The following FOXP1 variants were observed in gnomAD, a reference collection of about 807,000 sequenced individuals.
FOXP1 encodes forkhead box protein P1.
A neutral mutation model predicts 98.2 loss-of-function variants in FOXP1; 15 were observed. The observed-to-expected ratio is 0.15, with a 90% CI of 0.10 to 0.24. The LOEUF (loss-of-function observed/expected upper bound fraction) is 0.24. Ranked by LOEUF, FOXP1 falls within the 10% of genes least tolerant of loss-of-function variation. The pLI is 1.00. For synonymous variants in FOXP1, 371 were observed against 314.5 expected, an observed-to-expected ratio of 1.18 and a Z score of -1.90; for missense variants, 633 against 848.5, an observed-to-expected ratio of 0.75 and a Z score of 3.15.
At chr3:71,361,837 G>A (rs2078592580) in intron 3 of FOXP1, among the ~76,000 whole-genome samples, 1 of 152,128 alleles carries the variant, frequency 6.6e-6, no homozygotes, top group African/African-American at 2.4e-5. Flanking sequence ...GTCTGATATG[G>A]TCACTGATTA....
chr3:71,076,425 G>C (rs753490386), intron 7 of FOXP1, among the ~76,000 whole-genome samples: 2 of 152,218 alleles, frequency 1.3e-5, no homozygotes, highest in African/African-American at 2.4e-5. Flanking sequence ...AGGGGGAAAA[G>C]GGAACTTGTA....
chr3:71,141,606 T>A (rs2060073638), intron 6 of FOXP1, among the ~76,000 whole-genome samples: 1 of 152,140 alleles, frequency 6.6e-6, no homozygotes, highest in Non-Finnish European at 1.5e-5. Context: ...AAACACATAA[T>A]TTTTGGTGAC....
At chr3:71,450,538 T>C (rs910705782) in intron 3 of FOXP1, among the ~76,000 whole-genome samples, 3 of 152,244 alleles carry the variant, frequency 2.0e-5, no homozygotes, top group Admixed American at 6.5e-5. Context: ...TGTGAACACA[T>C]GGCTTGCTCT....
At chr3:71,419,607 AG>A (rs35425943) in intron 3 of FOXP1, among the ~76,000 whole-genome samples, 90,012 of 151,806 alleles carry the variant, frequency 0.59, 29,029 homozygotes, top group Non-Finnish European at 0.74. Context: ...AATGACATTT[AG>A]AGACTCGTCT....
At chr3:71,439,570 G>A (rs1441735411) in intron 3 of FOXP1, among the ~76,000 whole-genome samples, 2 of 152,154 alleles carry the variant, frequency 1.3e-5, no homozygotes, top group East Asian at 1.9e-4. Flanking sequence ...ATACTTAAAC[G>A]GTGGTGGCAA....
At chr3:71,226,926 C>T (rs538118508) in intron 5 of FOXP1, among the ~76,000 whole-genome samples, 5 of 152,248 alleles carry the variant, frequency 3.3e-5, no homozygotes, top group South Asian at 4.1e-4. Flanking sequence ...GGATGTCAGA[C>T]GGCAGCTGAC....
chr3:71,183,143 C>A lies in FOXP1; in HGVS notation c.180+15059G>T, dbSNP rs544562001. On this transcript the variant is annotated intron_variant, in intron 6 of 20. Transcript: ENST00000649528. ...TCTTTCTGCATGCCTCACATTATTT[C>A]GGTAGGTTAAATTCCTGGTGATGAT... Among the ~76,000 whole-genome samples, 9 of 152,100 alleles carry A rather than the reference C, an allele frequency of 5.9e-5. No individual in the cohort carries two copies. In the South Asian group the frequency reaches 1.7e-3, roughly 28 times the overall value.
At chr3:71,100,469 G>C (rs2056854964) in intron 7 of FOXP1, among the ~76,000 whole-genome samples, 1 of 152,192 alleles carries the variant, frequency 6.6e-6, no homozygotes, top group Non-Finnish European at 1.5e-5. Context: ...CTTATAGTCA[G>C]AGGAGATCAG....
intron 3 of FOXP1, among the ~76,000 whole-genome samples, chr3:71,430,379 T>C (rs185111357): frequency 6.6e-6 from 1 of 152,288 alleles, no homozygotes; most frequent in East Asian, 1.9e-4. Flanking sequence ...AGAAAGGTTA[T>C]GAAATTTTAT....
At chr3:71,380,782 T>C (rs1158051068) in intron 3 of FOXP1, among the ~76,000 whole-genome samples, 1 of 151,178 alleles carries the variant, frequency 6.6e-6, no homozygotes, top group Non-Finnish European at 1.5e-5. Context: ...GCATCTCTTC[T>C]GTGGCCTTTC....
intron 7 of FOXP1, among the ~76,000 whole-genome samples, chr3:71,097,866 C>A (rs1282760889): frequency 1.3e-5 from 2 of 152,176 alleles, no homozygotes. Flanking sequence ...AAGCACCGAG[C>A]ATCTTTGAAG....
intron 6 of FOXP1, among the ~76,000 whole-genome samples, chr3:71,134,587 C>T (rs759561657): frequency 2.0e-5 from 3 of 152,042 alleles, no homozygotes; most frequent in East Asian, 1.9e-4. Context: ...AAAAATACAG[C>T]GAAACAATGG....
chr3:71,499,119 A>G (rs1228920475), intron 2 of FOXP1, among the ~76,000 whole-genome samples: 1 of 152,122 alleles, frequency 6.6e-6, no homozygotes, highest in Non-Finnish European at 1.5e-5. Context: ...TCTCTGTCCA[A>G]CCAATGGGAG....
At chr3:71,467,031 A>T (rs1256495639) in intron 3 of FOXP1, among the ~76,000 whole-genome samples, 24 of 152,224 alleles carry the variant, frequency 1.6e-4, no homozygotes, top group East Asian at 1.9e-4. Context: ...AAAGAAAAAA[A>T]TGCTGAAGGA....
intron 12 of FOXP1, among the ~76,000 whole-genome samples, chr3:71,013,901 A>G (rs2044041643): frequency 6.6e-6 from 1 of 152,226 alleles, no homozygotes; most frequent in Admixed American, 6.5e-5. Flanking sequence ...AAATGGGGAA[A>G]GGATTCCCTA....
At chr3:71,217,394 T>C (rs1440743695) in intron 5 of FOXP1, among the ~76,000 whole-genome samples, 2 of 152,138 alleles carry the variant, frequency 1.3e-5, no homozygotes, top group Non-Finnish European at 2.9e-5. Flanking sequence ...TCTTTTTTTT[T>C]ATTTAGGGAT....
chr3:71,498,385 C>CA (rs2091559618), intron 2 of FOXP1, among the ~76,000 whole-genome samples: 1 of 152,136 alleles, frequency 6.6e-6, no homozygotes, highest in African/African-American at 2.4e-5. Context: ...AGTTGTTTAC[C>CA]AAACACTGCC....
intron 12 of FOXP1, among the ~76,000 whole-genome samples, chr3:71,007,496 C>T (rs972745764): frequency 7.2e-5 from 11 of 152,182 alleles, no homozygotes; most frequent in African/African-American, 2.4e-4. Context: ...TTAACATACA[C>T]TTTGTTTTTC....
At chr3:70,983,206 G>T (rs1158897088) in intron 14 of FOXP1, among the ~76,000 whole-genome samples, 1 of 151,324 alleles carries the variant, frequency 6.6e-6, no homozygotes, top group Non-Finnish European at 1.5e-5. Context: ...CTCGTGGAAG[G>T]TTATGACTTA....
Sources: gnomAD v4.1 joint callset for allele counts (sites outside exome capture counted in the v4.1 genomes callset) on GRCh38, gnomAD v4.1.1 for gene constraint, MANE v1.5 for transcripts, NCBI Gene and HGNC (gene_info 2026-07-23, HGNC 2026-07-21) for gene names.